VPS26C: variants seen among roughly 807,000 people sequenced by gnomAD.
VPS26C encodes the protein VPS26 endosomal protein sorting factor C.
A neutral mutation model predicts 30.6 loss-of-function variants in VPS26C; 19 were observed. The observed-to-expected ratio is 0.62, with a 90% CI of 0.43 to 0.91. The LOEUF (loss-of-function observed/expected upper bound fraction) is 0.91. Among genes scored for constraint, VPS26C ranks in the 40% least tolerant of loss-of-function variants. The probability of loss-of-function intolerance (pLI) is 0.00; values close to 1 mark genes in which losing one functional copy is unlikely to be tolerated. For synonymous variants in VPS26C, 132 were observed against 151.5 expected (o/e 0.87, Z 0.95); for missense variants, 318 against 385.1 (o/e 0.83, Z 1.46).
Position 37,263,512 on chromosome 21 carries a change from A to T in VPS26C, c.57+3726T>A, listed in dbSNP as rs529004547. ...TCGGGTGAAGTTCTTCAACTTGTCTAGTTGGGTTATGAAATTCATCAACTT... is the reference window on the plus strand; with the variant it reads ...TCGGGTGAAGTTCTTCAACTTGTCTTGTTGGGTTATGAAATTCATCAACTT... On this transcript the variant is annotated intron_variant, in intron 1 of 7. Coordinates refer to ENST00000309117, the MANE Select transcript of VPS26C (RefSeq NM_006052.2). 2.0e-5 allele frequency among the ~76,000 whole-genome samples: 3 copies of T among 152,322 alleles called. No homozygotes were observed. In the South Asian group the frequency reaches 6.2e-4, roughly 32 times the overall value.
Position 37,255,851 on chromosome 21 carries a change from A to ATTTTTTTTTTTT in VPS26C, c.57+11375_57+11386dup, listed in dbSNP as rs375877407. ...TTTAAAGCCTCATTCTATGCACTGCATTTTTTTTTTTTTTTTTTTTTAGAT... is the reference window on the plus strand; with the variant it reads ...TTTAAAGCCTCATTCTATGCACTGCATTTTTTTTTTTTTTTTTTTTTTTTTTTTTTTTTAGAT... On this transcript the variant is annotated intron_variant, in intron 1 of 7. Transcript: ENST00000309117. Among the ~76,000 whole-genome samples the ATTTTTTTTTTTT allele has an allele frequency of 1.3e-3, 139 of 108,440 alleles. 14 individuals carry two copies. Among genetic ancestry groups the ATTTTTTTTTTTT allele is most frequent in the African/African-American group, 1.5e-3 (32 of 21,888 alleles). 71.1% of individuals were successfully genotyped at this position (108,440 alleles called of 152,430 possible).
intron 1 of VPS26C, among the ~76,000 whole-genome samples, chr21:37,241,755 G>T (rs956936916): frequency 1.3e-5 from 2 of 152,184 alleles, no homozygotes; most frequent in Admixed American, 1.3e-4. Context: ...CTGGGTGGTT[G>T]AGGCTGCAGC....
intron 1 of VPS26C, among the ~76,000 whole-genome samples, chr21:37,265,873 A>G (rs914988812): frequency 6.8e-6 from 1 of 146,832 alleles, no homozygotes; most frequent in Non-Finnish European, 1.5e-5. Context: ...GAGGAGTGTG[A>G]CTACCAGATT....
At chr21:37,259,899 G>A (rs1415213840) in intron 1 of VPS26C, among the ~76,000 whole-genome samples, 1 of 152,186 alleles carries the variant, frequency 6.6e-6, no homozygotes, top group Non-Finnish European at 1.5e-5. Flanking sequence ...ACAGACTTCG[G>A]AGCGTGGAAA....
intron 1 of VPS26C, among the ~76,000 whole-genome samples, chr21:37,254,811 A>T (rs529251438): frequency 1.4e-3 from 201 of 148,612 alleles, no homozygotes; most frequent in East Asian, 5.4e-3. Context: ...CTAGAAAAAA[A>T]AAATAAATAA....
chr21:37,234,011 T>C (rs1355955591), intron 3 of VPS26C, among the ~76,000 whole-genome samples: 1 of 152,264 alleles, frequency 6.6e-6, no homozygotes, highest in Admixed American at 6.5e-5. Flanking sequence ...CAGTGAGGAC[T>C]GCAACCCTGG....
At chr21:37,267,722 G>T (rs1436395924), upstream of VPS26C, 1 of 234,008 alleles carries the variant, frequency 4.3e-6, no homozygotes, top group Admixed American at 5.2e-5. Context: ...GAAGGATGAC[G>T]CTCCCGTCAG....
chr21:37,232,280 G>T, intron 5 of VPS26C, 97 bp downstream of exon 5: 1 of 966,356 alleles, frequency 1.0e-6, no homozygotes. Flanking sequence ...GGCTGATGAC[G>T]TGATTTCCAA....
At chr21:37,245,854 T>G (rs1013022861) in intron 1 of VPS26C, among the ~76,000 whole-genome samples, 1 of 151,686 alleles carries the variant, frequency 6.6e-6, no homozygotes, top group Non-Finnish European at 1.5e-5. Context: ...AGGGAGGAAA[T>G]GGTGAGGCAA....
At chr21:37,262,894 A>G (rs2086319916) in intron 1 of VPS26C, among the ~76,000 whole-genome samples, 1 of 151,896 alleles carries the variant, frequency 6.6e-6, no homozygotes, top group South Asian at 2.1e-4. Context: ...CAGCCTCCCA[A>G]GTAGCTGGGA....
chr21:37,228,766 TC>T, intron 5 of VPS26C: 1 of 166,994 alleles, frequency 6.0e-6, no homozygotes, highest in Non-Finnish European at 1.3e-5. Context: ...GCACAGTGGC[TC>T]AGGCCCGTAA....
chr21:37,230,485 C>T (rs2085950103), intron 5 of VPS26C: 1 of 152,232 alleles, frequency 6.6e-6, no homozygotes, highest in Admixed American at 6.5e-5. Context: ...CTCTTTTCTA[C>T]TTAAAAAGCA....
At position 37,257,187 on chromosome 21, in the gene VPS26C, G is replaced by A. The variant is rs78517475; in HGVS notation, c.57+10051C>T. Among the ~76,000 whole-genome samples the A allele has an allele frequency of 0.13, 19,996 of 152,230 alleles. 1,509 individuals are homozygous for A. The highest frequency in any genetic ancestry group is 0.23 in the East Asian group (1,196 of 5,176). ...AAAAAGCAAATATATGTAAAAATAG[G>A]AAGTGCGGTTTCCCAAAATGAGGTC... On this transcript the variant is annotated intron_variant, in intron 1 of 7. Coordinates refer to ENST00000309117, the MANE Select transcript of VPS26C (RefSeq NM_006052.2). This position sits in a 1 kb window ranked among gnomAD's most constrained non-coding sequence, Gnocchi z 4.2.
At chr21:37,231,668 C>A (rs2085965373) in intron 5 of VPS26C, 1 of 152,538 alleles carries the variant, frequency 6.6e-6, no homozygotes, top group African/African-American at 2.4e-5. Flanking sequence ...AACTACAGGA[C>A]TCCACTGTTT....
At chr21:37,243,495 C>T (rs1178933804) in intron 1 of VPS26C, among the ~76,000 whole-genome samples, 1 of 152,182 alleles carries the variant, frequency 6.6e-6, no homozygotes, top group Non-Finnish European at 1.5e-5. Flanking sequence ...GAGAAGCCAG[C>T]ACAGACACTG....
chr21:37,267,416 A>G, upstream of VPS26C: 1 of 830,668 alleles, frequency 1.2e-6, no homozygotes, highest in Non-Finnish European at 2.0e-6. Context: ...GGCTCACGTG[A>G]CCTCGCAGCG....
chr21:37,247,024 G>A (rs2086143963), intron 1 of VPS26C, among the ~76,000 whole-genome samples: 1 of 152,206 alleles, frequency 6.6e-6, no homozygotes, highest in African/African-American at 2.4e-5. Flanking sequence ...CAAAGTGCTG[G>A]GATTACAGGT....
intron 1 of VPS26C, chr21:37,266,988 C>T: frequency 3.6e-6 from 2 of 553,164 alleles, no homozygotes; most frequent in Non-Finnish European, 6.4e-6. Context: ...AGCTGGGCGC[C>T]TGCCCTGCAC....
In VPS26C at chr21:37,235,879, A is replaced by ATT. The variant is rs1248919097; in HGVS notation, c.352-2439_352-2438dup. Among the ~76,000 whole-genome samples, 302 of 111,240 alleles carry ATT rather than the reference A, an allele frequency of 2.7e-3. 1 individual carries two copies. The highest frequency in any genetic ancestry group is 6.1e-3 in the South Asian group (23 of 3,740). The allele number at this position is 111,240 out of a possible 152,430, so 73.0% of individuals were successfully genotyped here. A position where few individuals can be genotyped will look rare whatever the true frequency, so the allele number is the denominator to read the frequency against. On this transcript the variant is annotated intron_variant, in intron 3 of 7. Transcript: ENST00000309117. ...TATATATATATATATATATATATATATTTTTTTTTTTAATTAAAAAATTTT... is the reference window on the plus strand; with the variant it reads ...TATATATATATATATATATATATATATTTTTTTTTTTTTAATTAAAAAATTTT...
Sources: allele counts gnomAD v4.1 joint callset (sites outside exome capture counted in the v4.1 genomes callset), GRCh38; gene constraint gnomAD v4.1.1; non-coding constraint Gnocchi (gnomAD v3.1); transcripts MANE v1.5; gene names NCBI Gene and HGNC (gene_info 2026-07-23, HGNC 2026-07-21).